Variants in RPS6KA2 observed in about 807,000 individuals in gnomAD.
RPS6KA2 encodes ribosomal protein S6 kinase alpha-2.
In RPS6KA2, 42 loss-of-function variants were observed where a neutral mutation model predicts 91.8. That is an observed-to-expected ratio of 0.46 (90% CI 0.36 to 0.59). The LOEUF is 0.59. RPS6KA2 is among the 20% of genes least tolerant of loss of function. The pLI, the probability that RPS6KA2 is intolerant of heterozygous loss-of-function variation, is 0.00. For missense variants in RPS6KA2, 798 were observed against 978.5 expected (o/e 0.82, Z 2.46); for synonymous variants, 414 against 393.6 (o/e 1.05, Z -0.61).
At chr6:166,858,244 G>C (rs1281619881) in exon 2 of RPS6KA2, 2 of 1,542,716 alleles carry the variant, frequency 1.3e-6, no homozygotes, top group East Asian at 2.3e-5. Flanking sequence ...TCCAGGTTGA[G>C]ATCCTCCTCT....
At chr6:166,663,357 C>G (rs189892344) in intron 2 of RPS6KA2, among the ~76,000 whole-genome samples, 56 of 152,230 alleles carry the variant, frequency 3.7e-4, no homozygotes, top group Non-Finnish European at 5.3e-4. Flanking sequence ...TGACAATGAA[C>G]GTGAATCTCA....
At position 166,488,868 on chromosome 6, in the gene RPS6KA2, C is replaced by T. The variant is rs200011293; in HGVS notation, c.872G>A (p.Arg291Gln). The T allele has an allele frequency of 5.0e-6, 8 of 1,613,742 alleles. No homozygotes were observed. The highest frequency in any genetic ancestry group is 6.8e-6 in the Non-Finnish European group (8 of 1,179,896). The change falls in exon 10 of 21, where the codon CGA (arginine) becomes CAA (glutamine). Residue 291 changes from arginine (R) to glutamine (Q), a missense_variant. By Grantham distance (43) the Arg-to-Gln change is conservative (BLOSUM62 1). Transcript: ENST00000265678. ...FLSGEAQSLL[R>Q]ALFKRNPCNR... ...GCAGGGGTTCCGTTTGAAGAGAGCT[C>T]GCAGCAAACTCTGTGCCTCCCCACT...
At chr6:166,710,980 T>G in intron 2 of RPS6KA2, among the ~76,000 whole-genome samples, 1 of 152,120 alleles carries the variant, frequency 6.6e-6, no homozygotes. Flanking sequence ...CAGAAAAACC[T>G]TGGCCCCACC....
chr6:166,469,978 T>G, intron 10 of RPS6KA2, 73 bp from the exon 11 acceptor site: 1 of 1,351,672 alleles, frequency 7.4e-7, no homozygotes, highest in Admixed American at 1.7e-5. Context: ...AATGCAGCAG[T>G]GTGGAGGGTG....
intron 1 of RPS6KA2, among the ~76,000 whole-genome samples, chr6:166,588,618 GTACATAATT>G (rs541557538): frequency 2.0e-5 from 3 of 152,214 alleles, no homozygotes; most frequent in Non-Finnish European, 4.4e-5. Context: ...AGCCTTGCAT[GTACATAATT>G]CCTATTTGTA....
intron 2 of RPS6KA2, among the ~76,000 whole-genome samples, chr6:166,759,524 C>T (rs1189245551): frequency 2.0e-5 from 3 of 152,224 alleles, no homozygotes; most frequent in Non-Finnish European, 2.9e-5. Flanking sequence ...TTTCTAGTCT[C>T]ACGAAATTTC....
intron 2 of RPS6KA2, among the ~76,000 whole-genome samples, chr6:166,697,465 CA>C (rs1789390809): frequency 6.6e-6 from 1 of 152,232 alleles, no homozygotes; most frequent in Non-Finnish European, 1.5e-5. Flanking sequence ...GATGAACTCC[CA>C]AGGAATCTCC....
At position 166,435,546 on chromosome 6, in the gene RPS6KA2, G is replaced by A. The variant is rs564333495; in HGVS notation, c.1333-3056C>T. Among the ~76,000 whole-genome samples, 1 of 152,356 alleles carries A rather than the reference G, an allele frequency of 6.6e-6. No homozygotes were observed. Among genetic ancestry groups the A allele is most frequent in the South Asian group, 2.1e-4 (1 of 4,832 alleles). On this transcript the variant is annotated intron_variant, in intron 14 of 20. Coordinates refer to ENST00000265678, the MANE Select transcript of RPS6KA2 (RefSeq NM_021135.6). The surrounding 1 kb of genome is among the most constrained non-coding windows in gnomAD (Gnocchi z 4.3). ...ACACCACACACCAGCTGTTCGCTGA[G>A]GTGGCATTTGGGGAAATGGAGGAAA...
At chr6:166,789,608 C>A (rs561733206) in intron 2 of RPS6KA2, among the ~76,000 whole-genome samples, 4 of 152,210 alleles carry the variant, frequency 2.6e-5, no homozygotes, top group Non-Finnish European at 5.9e-5. Context: ...CTGGGAGACA[C>A]CCCCCAGTAG....
At chr6:166,458,706 C>T (rs992602399) in intron 12 of RPS6KA2, among the ~76,000 whole-genome samples, 7 of 152,144 alleles carry the variant, frequency 4.6e-5, no homozygotes, top group African/African-American at 1.4e-4. Context: ...CAAGTCAAGG[C>T]GAGAGCTCTC....
Position 166,412,900 on chromosome 6 carries a change from A to G in RPS6KA2, c.2077-13T>C, listed in dbSNP as rs16898905. ...CGGCCATCGCGCCCTGCAAAACAGA[A>G]GACAAGGGTGAGAGCCGCGGCGCCT... On this transcript the variant is annotated splice_polypyrimidine_tract_variant and intron_variant, in intron 20 of 20. Coordinates refer to ENST00000265678, the MANE Select transcript of RPS6KA2 (RefSeq NM_021135.6). The surrounding 1 kb of genome is among the most constrained non-coding windows in gnomAD (Gnocchi z 4.3). 0.023 allele frequency: 34,844 copies of G among 1,546,648 alleles called. 4,670 individuals are homozygous for G. The African/African-American group carries it at 0.35, about 16-fold the overall frequency.
At position 166,409,944 on chromosome 6, in the gene RPS6KA2, C is replaced by T. The variant is rs559203608; in HGVS notation, c.*2818G>A. 6.6e-6 allele frequency: 1 copy of T among 152,326 alleles called. No homozygotes were observed. Among genetic ancestry groups the T allele is most frequent in the East Asian group, 1.9e-4 (1 of 5,182 alleles). The allele number at this position is 152,326 out of a possible 1,614,324, so 9.4% of individuals were successfully genotyped here. A position where few individuals can be genotyped will look rare whatever the true frequency, so the allele number is the denominator to read the frequency against. The stretch of plus-strand genomic sequence containing the variant: ...AGTTTAAAATCACAGACAAATCGGA[C>T]TTGAGGGTAAAAGTGAAATCCTCAC... On this transcript the variant is annotated 3_prime_UTR_variant, in exon 21 of 21. Coordinates refer to ENST00000265678, the MANE Select transcript of RPS6KA2 (RefSeq NM_021135.6).
At chr6:166,711,980 G>A (rs1377051595) in intron 2 of RPS6KA2, among the ~76,000 whole-genome samples, 1 of 152,188 alleles carries the variant, frequency 6.6e-6, no homozygotes, top group Non-Finnish European at 1.5e-5. Context: ...ATGAAACAGA[G>A]AATCATTACA....
chr6:166,689,563 C>G (rs1036677062), intron 2 of RPS6KA2, among the ~76,000 whole-genome samples: 3 of 152,210 alleles, frequency 2.0e-5, no homozygotes, highest in Admixed American at 2.0e-4. Context: ...CTTCTCCCCA[C>G]TGGATTCGTA....
chr6:166,843,979 C>T (rs772752898), intron 2 of RPS6KA2, among the ~76,000 whole-genome samples: 3 of 151,478 alleles, frequency 2.0e-5, no homozygotes, highest in Non-Finnish European at 2.9e-5. Context: ...CTTAAGGAGG[C>T]ACCAGAGAAA....
chr6:166,728,021 G>A (rs537602405), intron 2 of RPS6KA2, among the ~76,000 whole-genome samples: 1 of 152,232 alleles, frequency 6.6e-6, no homozygotes, highest in Admixed American at 6.5e-5. Context: ...TAAACAATAT[G>A]GTATAGCAAC....
At position 166,767,659 on chromosome 6, in the gene RPS6KA2, G is replaced by A. The variant is rs1485297910; in HGVS notation, c.123+90541C>T. On this transcript the variant is annotated intron_variant, in intron 2 of 21. Transcript: ENST00000503859. The surrounding 1 kb of genome is among the most constrained non-coding windows in gnomAD (Gnocchi z 4.6). ...CCCCCGCACTGCAGCTCCCTAAGTT[G>A]CTTTGCAAAGGACTGAGTTTGGGTC... Among the ~76,000 whole-genome samples the A allele has an allele frequency of 6.6e-6, 1 of 152,134 alleles. No individual in the cohort carries two copies. Among genetic ancestry groups the A allele is most frequent in the Non-Finnish European group, 1.5e-5 (1 of 68,026 alleles).
intron 12 of RPS6KA2, among the ~76,000 whole-genome samples, chr6:166,453,825 T>C (rs1273883063): frequency 6.6e-6 from 1 of 152,144 alleles, no homozygotes; most frequent in Non-Finnish European, 1.5e-5. Flanking sequence ...GGTGATTGGG[T>C]AAACAAAATG....
intron 16 of RPS6KA2, chr6:166,424,089 C>G (rs1002079989): frequency 1.3e-5 from 2 of 152,292 alleles, no homozygotes; most frequent in African/African-American, 2.4e-5. Context: ...TGCCTTTGTA[C>G]AGCTTGGATC....
Sources: allele counts gnomAD v4.1 joint callset (sites outside exome capture counted in the v4.1 genomes callset), GRCh38; gene constraint gnomAD v4.1.1; non-coding constraint Gnocchi (gnomAD v3.1); transcripts MANE v1.5; gene names NCBI Gene and HGNC (gene_info 2026-07-23, HGNC 2026-07-21).